The following DOCK4 variants were observed in gnomAD, a reference collection of about 807,000 sequenced individuals.
DOCK4 encodes dedicator of cytokinesis 4.
DOCK4 carries 97 observed loss-of-function variants against 268.1 expected under a neutral mutation model. The ratio of observed to expected loss-of-function variants is 0.36; its 90% CI spans 0.31 to 0.43. The LOEUF (loss-of-function observed/expected upper bound fraction) is 0.43, where lower values mean the gene tolerates loss of function less well. DOCK4 is among the 20% of genes least tolerant of loss of function. The pLI is 1.00. For missense variants in DOCK4, 2,145 were observed against 2,455.7 expected (o/e 0.87, Z 2.67); for synonymous variants, 954 against 887.2 (o/e 1.08, Z -1.34).
chr7:112,206,037 A>G (rs1363803449), intron 1 of DOCK4, 65 bp downstream of exon 1: 1 of 1,523,778 alleles, frequency 6.6e-7, no homozygotes, highest in African/African-American at 1.4e-5. Flanking sequence ...GCGCGGGGGC[A>G]AGGACGAGAA....
intron 1 of DOCK4, among the ~76,000 whole-genome samples, chr7:112,100,154 G>T (rs146261460): frequency 6.6e-6 from 1 of 152,102 alleles, no homozygotes; most frequent in African/African-American, 2.4e-5. Context: ...ATTATATTAC[G>T]CATGAAGCAT....
chr7:111,857,408 C>T (rs1029710539), intron 23 of DOCK4, among the ~76,000 whole-genome samples: 1 of 152,054 alleles, frequency 6.6e-6, no homozygotes, highest in African/African-American at 2.4e-5. Flanking sequence ...AAAATTCCTA[C>T]CCTAAAACAC....
intron 11 of DOCK4, 143 bp from the exon 12 acceptor site, chr7:111,935,771 G>T: frequency 1.5e-6 from 1 of 678,110 alleles, no homozygotes. Flanking sequence ...CTGACTGTCA[G>T]TTTTAGCATG....
intron 12 of DOCK4, among the ~76,000 whole-genome samples, chr7:111,929,805 C>T (rs1200352226): frequency 6.6e-6 from 1 of 152,158 alleles, no homozygotes; most frequent in Non-Finnish European, 1.5e-5. Context: ...AGAAACTTAC[C>T]TGAATAGCAA....
chr7:112,127,238 T>G (rs1373212500), intron 1 of DOCK4, among the ~76,000 whole-genome samples: 1 of 151,824 alleles, frequency 6.6e-6, no homozygotes, highest in Non-Finnish European at 1.5e-5. Flanking sequence ...CCATAAAAAA[T>G]GATGAGTTCA....
intron 1 of DOCK4, among the ~76,000 whole-genome samples, chr7:112,184,009 C>T (rs1165674288): frequency 3.9e-5 from 6 of 152,326 alleles, no homozygotes; most frequent in Admixed American, 3.3e-4. Flanking sequence ...TCTGTGCAGA[C>T]TTTTATCACA....
chr7:111,851,367 C>T (rs1804533936), intron 23 of DOCK4, among the ~76,000 whole-genome samples: 1 of 150,034 alleles, frequency 6.7e-6, no homozygotes, highest in African/African-American at 2.5e-5. Flanking sequence ...ATCGCTTGAA[C>T]CTGGGAGGCA....
At chr7:112,090,446 A>T (rs1450188506) in intron 1 of DOCK4, among the ~76,000 whole-genome samples, 7 of 152,194 alleles carry the variant, frequency 4.6e-5, no homozygotes, top group South Asian at 4.1e-4. Flanking sequence ...CACCTCTAAC[A>T]TTGCAAAAAT....
intron 1 of DOCK4, among the ~76,000 whole-genome samples, chr7:112,181,313 A>G (rs112068944): frequency 1.1e-4 from 16 of 152,256 alleles, no homozygotes; most frequent in African/African-American, 3.9e-4. Context: ...GATTGTATAT[A>G]TTTACATATA....
intron 29 of DOCK4, 26 bp downstream of exon 29, chr7:111,809,275 T>G (rs1480093646): frequency 8.6e-6 from 13 of 1,506,356 alleles, no homozygotes; most frequent in Non-Finnish European, 1.1e-5. Context: ...GCAACATTTC[T>G]CACCTGATTA....
Position 111,758,653 on chromosome 7 carries a change from C to A in DOCK4, c.4300G>T (p.Gly1434Cys), listed in dbSNP as rs754263958. Residue 1434 changes from glycine to cysteine, a missense_variant, in exon 41 of 53, where the codon GGC becomes TGC. Coordinates refer to ENST00000428084, the MANE Select transcript of DOCK4 (RefSeq NM_001363540.2). ...AATTCATTCTCTTTATCTTTTGTGCCTTTGTGAAATGGTCGGTCATAGCGG... is the reference window on the plus strand; with the variant it reads ...AATTCATTCTCTTTATCTTTTGTGCATTTGTGAAATGGTCGGTCATAGCGG... Reference protein sequence around the residue: ...KFRYDRPFHKGTKDKENEFKS... With the variant: ...KFRYDRPFHKCTKDKENEFKS... The A allele has an allele frequency of 3.7e-6, 6 of 1,613,920 alleles. No homozygotes were observed. The highest frequency in any genetic ancestry group is 4.2e-6 in the Non-Finnish European group (5 of 1,179,870).
At chr7:112,109,250 GCAAAA>G (rs1426140508) in intron 1 of DOCK4, among the ~76,000 whole-genome samples, 1 of 151,930 alleles carries the variant, frequency 6.6e-6, no homozygotes, top group Non-Finnish European at 1.5e-5. Context: ...ATTTCCCCAC[GCAAAA>G]CAAAACAAAA....
intron 8 of DOCK4, among the ~76,000 whole-genome samples, chr7:111,960,389 A>C (rs905566804): frequency 3.3e-5 from 5 of 150,874 alleles, no homozygotes; most frequent in Admixed American, 1.3e-4. Context: ...AAAAGAAAAA[A>C]GAATTTATAA....
At chr7:112,105,183 G>A (rs17159274) in intron 1 of DOCK4, among the ~76,000 whole-genome samples, 1 of 152,134 alleles carries the variant, frequency 6.6e-6, no homozygotes, top group Non-Finnish European at 1.5e-5. Flanking sequence ...GTAACTCATA[G>A]AGGACAGATT....
intron 23 of DOCK4, among the ~76,000 whole-genome samples, chr7:111,861,424 C>T (rs971968214): frequency 1.3e-5 from 2 of 152,016 alleles, no homozygotes; most frequent in South Asian, 2.1e-4. Flanking sequence ...TGAAGTAGAG[C>T]TATATCTAGT....
At chr7:112,011,332 GA>G (rs1446148372) in intron 1 of DOCK4, among the ~76,000 whole-genome samples, 1 of 152,174 alleles carries the variant, frequency 6.6e-6, no homozygotes, top group Admixed American at 6.5e-5. Context: ...TCTGCTTCCT[GA>G]GGGGCTCAGC....
intron 1 of DOCK4, among the ~76,000 whole-genome samples, chr7:112,119,225 A>G (rs115688012): frequency 0.013 from 1,980 of 152,214 alleles, 43 homozygotes; most frequent in African/African-American, 0.045. Flanking sequence ...GAACTGAATA[A>G]ATGGAGAATC....
chr7:112,112,936 C>T (rs1183168678), intron 1 of DOCK4, among the ~76,000 whole-genome samples: 14 of 152,148 alleles, frequency 9.2e-5, no homozygotes, highest in Admixed American at 7.9e-4. Context: ...TCTTCAAGGA[C>T]GTGACAGGCT....
intron 1 of DOCK4, among the ~76,000 whole-genome samples, chr7:112,089,007 A>T (rs1189309078): frequency 6.6e-6 from 1 of 152,140 alleles, no homozygotes; most frequent in Non-Finnish European, 1.5e-5. Context: ...GATTTCGAAG[A>T]CTTGGGTCCA....
Sources: gnomAD v4.1 joint callset for allele counts (sites outside exome capture counted in the v4.1 genomes callset) on GRCh38, gnomAD v4.1.1 for gene constraint, MANE v1.5 for transcripts, NCBI Gene and HGNC (gene_info 2026-07-23, HGNC 2026-07-21) for gene names.